SPATA6L: variants seen among roughly 807,000 people sequenced by gnomAD.
SPATA6L encodes the protein spermatogenesis associated 6 like.
In SPATA6L, 68 loss-of-function variants were observed where a neutral mutation model predicts 49.2. That is an observed-to-expected ratio of 1.38 (90% CI 1.14 to 1.69). The LOEUF (loss-of-function observed/expected upper bound fraction) is 1.69. Ranked by LOEUF, SPATA6L falls within the 40% of genes most tolerant of loss-of-function variation. SPATA6L has a pLI of 0.00. For synonymous variants in SPATA6L, 198 were observed against 165.7 expected (o/e 1.19, Z -1.50); for missense variants, 668 against 464.3 (o/e 1.44, Z -4.03).
chr9:4,605,869 C>CGCAGA (rs1424909584), intron 9 of SPATA6L, among the ~76,000 whole-genome samples: 4 of 152,184 alleles, frequency 2.6e-5, no homozygotes, highest in African/African-American at 9.7e-5. Flanking sequence ...ACGCAGAGGA[C>CGCAGA]GGGTGATTTC....
intron 4 of SPATA6L, among the ~76,000 whole-genome samples, chr9:4,632,271 G>A (rs946844791): frequency 1.3e-5 from 2 of 151,592 alleles, no homozygotes; most frequent in Non-Finnish European, 2.9e-5. Context: ...GCTCTTTTTT[G>A]TGGTATCTCG....
intron 9 of SPATA6L, among the ~76,000 whole-genome samples, chr9:4,611,858 G>C (rs1173843559): frequency 6.6e-6 from 1 of 152,076 alleles, no homozygotes; most frequent in African/African-American, 2.4e-5. Context: ...AATCCCAGTA[G>C]TTGTTGTTTC....
rs768779927 is a variant in SPATA6L at position 4,598,455 on chromosome 9, ATTGAGATAACTCC to A, written c.*2343_*2355del. On this transcript the variant is annotated 3_prime_UTR_variant, in exon 12 of 12. Transcript: ENST00000682582. ...CCTTGCCCCAGCATGATTCCTCAAA[ATTGAGATAACTCC>A]TTGAGAAACAAAAGTAAAAATAATA... Among the ~76,000 whole-genome samples, 1 of 152,244 alleles carries A rather than the reference ATTGAGATAACTCC, an allele frequency of 6.6e-6. No homozygotes were observed. The highest frequency in any genetic ancestry group is 1.5e-5 in the Non-Finnish European group (1 of 68,044).
Position 4,622,490 on chromosome 9 carries a change from A to G in SPATA6L, c.690T>C (p.Phe230=), listed in dbSNP as rs775659923. The change falls in exon 7 of 12, where the codon TTT becomes TTC. Residue 230 remains phenylalanine, a synonymous_variant. Transcript: ENST00000682582. Reference sequence around the variant, plus strand: ...AATGATGCTCTGAAATATTCTCACCAAAGGGCTTTGCACTGTCCACCTGAA... The same window carrying G: ...AATGATGCTCTGAAATATTCTCACCGAAGGGCTTTGCACTGTCCACCTGAA... ...VVRHVDSAKP[F]GENISEHHLR... 6.2e-7 allele frequency: 1 copy of G among 1,613,146 alleles called. No homozygotes were observed. Among genetic ancestry groups the G allele is most frequent in the Non-Finnish European group, 8.5e-7 (1 of 1,179,620 alleles).
chr9:4,589,378 G>C (rs1821760192), intron 13 of SPATA6L, among the ~76,000 whole-genome samples: 1 of 152,100 alleles, frequency 6.6e-6, no homozygotes, highest in South Asian at 2.1e-4. Flanking sequence ...CAGTATTTTA[G>C]GATCCGTGTC....
At chr9:4,656,450 AAGGAAGGAAGGAAGGAAGGAAGG>A (rs1563716218) in intron 2 of SPATA6L, among the ~76,000 whole-genome samples, 103 of 121,850 alleles carry the variant, frequency 8.5e-4, no homozygotes, top group Middle Eastern at 4.2e-3. Context: ...GAAAGGAAGG[AAGGAAGGAAGGAAGGAAGGAAGG>A]AAGGAAGGAA....
At chr9:4,623,045 C>G (rs1190965882) in intron 6 of SPATA6L, among the ~76,000 whole-genome samples, 1 of 152,062 alleles carries the variant, frequency 6.6e-6, no homozygotes, top group African/African-American at 2.4e-5. Flanking sequence ...TTTGGGAGGC[C>G]GAGGAGGGTG....
chr9:4,660,284 G>A lies in SPATA6L; in HGVS notation c.177+1615C>T, dbSNP rs147972148. On this transcript the variant is annotated intron_variant, in intron 2 of 11. Transcript: ENST00000682582. ...GGAAATTTTTGCAATCTACTCATCT[G>A]ACAAAAGGGTTAATATCCAGAATCT... 3.3e-3 allele frequency among the ~76,000 whole-genome samples: 506 copies of A among 152,256 alleles called. 1 individual carries two copies. Among genetic ancestry groups the A allele is most frequent in the African/African-American group, 0.012 (485 of 41,550 alleles).
intron 13 of SPATA6L, among the ~76,000 whole-genome samples, chr9:4,593,219 C>T (rs1259128469): frequency 2.6e-5 from 4 of 152,182 alleles, no homozygotes; most frequent in African/African-American, 7.2e-5. Flanking sequence ...AGTATCCAAT[C>T]GTCACCTCTT....
intron 3 of SPATA6L, among the ~76,000 whole-genome samples, chr9:4,643,153 A>T (rs1308333621): frequency 2.0e-5 from 3 of 152,124 alleles, no homozygotes; most frequent in Admixed American, 6.6e-5. Context: ...GATTACAGGC[A>T]CCTGACATCA....
Position 4,609,919 on chromosome 9 carries a change from C to T in SPATA6L, c.996-4479G>A, listed in dbSNP as rs950419523. On this transcript the variant is annotated intron_variant, in intron 9 of 11. Coordinates refer to ENST00000682582, the MANE Select transcript of SPATA6L (RefSeq NM_001353486.2). ...ACCCCATTGTCTCAGCCCAAAATCTCCTTAAGCTGATAAGCAACTTCAGCA... is the reference window on the plus strand; with the variant it reads ...ACCCCATTGTCTCAGCCCAAAATCTTCTTAAGCTGATAAGCAACTTCAGCA... Among the ~76,000 whole-genome samples, 8 of 151,984 alleles carry T rather than the reference C, an allele frequency of 5.3e-5. No individual in the cohort carries two copies. In the South Asian group the frequency reaches 1.5e-3, roughly 28 times the overall value.
At chr9:4,592,261 G>A (rs1250872800) in intron 13 of SPATA6L, among the ~76,000 whole-genome samples, 1 of 148,648 alleles carries the variant, frequency 6.7e-6, no homozygotes, top group Non-Finnish European at 1.5e-5. Flanking sequence ...TTTGCAGTGA[G>A]CTGAGATCAC....
intron 2 of SPATA6L, among the ~76,000 whole-genome samples, chr9:4,658,757 C>G (rs1002889130): frequency 6.6e-6 from 1 of 151,980 alleles, no homozygotes; most frequent in African/African-American, 2.4e-5. Context: ...TTTGGAAGGC[C>G]AAGGCGGGCA....
chr9:4,600,948 A>G (rs1316150123), intron 11 of SPATA6L, 139 bp from the exon 12 acceptor site: 1 of 152,216 alleles, frequency 6.6e-6, no homozygotes, highest in Admixed American at 6.5e-5. Flanking sequence ...TTAGTCTCTG[A>G]GCTTTTTCCC....
intron 9 of SPATA6L, among the ~76,000 whole-genome samples, chr9:4,608,545 A>G (rs1361933288): frequency 6.3e-5 from 8 of 126,140 alleles, no homozygotes; most frequent in Non-Finnish European, 1.1e-4. Flanking sequence ...CTGAATGACT[A>G]CTGGGTACAT....
intron 3 of SPATA6L, chr9:4,646,503 T>C: frequency 6.6e-7 from 1 of 1,516,542 alleles, no homozygotes; most frequent in Admixed American, 2.2e-5. Flanking sequence ...GAACTAGCTG[T>C]ATTAATTCAA....
Position 4,603,084 on chromosome 9 carries a change from T to G in SPATA6L, c.*1+1095A>C, listed in dbSNP as rs115919435. Among the ~76,000 whole-genome samples, 1,077 of 152,228 alleles carry G rather than the reference T, an allele frequency of 7.1e-3. 13 individuals are homozygous for G. The highest frequency in any genetic ancestry group is 0.024 in the African/African-American group (983 of 41,532). On this transcript the variant is annotated intron_variant, in intron 11 of 11. Coordinates refer to ENST00000682582, the MANE Select transcript of SPATA6L (RefSeq NM_001353486.2). ...CTTGCCACAGATCTGAATTCTAGAGTTGCCTTGTTACATGCATTCATAATC... is the reference window on the plus strand; with the variant it reads ...CTTGCCACAGATCTGAATTCTAGAGGTGCCTTGTTACATGCATTCATAATC...
In SPATA6L at chr9:4,656,138, C is replaced by T. The variant is rs372806584; in HGVS notation, c.178-49G>A. On this transcript the variant is annotated intron_variant, in intron 2 of 11. Transcript: ENST00000682582. ...AAATTTTCAAAGTTGTATTAATAAG[C>T]GCATATAGAAACTGTAAATGCCAGG... The T allele has an allele frequency of 8.2e-5, 125 of 1,524,406 alleles. 2 individuals are homozygous for T. In the African/African-American group the frequency reaches 1.3e-3, roughly 16 times the overall value. The allele number at this position is 1,524,406 out of a possible 1,614,324, so 94.4% of individuals were successfully genotyped here.
intron 11 of SPATA6L, 65 bp from the exon 12 acceptor site, chr9:4,600,874 G>A (rs1337844726): frequency 6.6e-6 from 1 of 152,176 alleles, no homozygotes; most frequent in African/African-American, 2.4e-5. Context: ...ATCAATACAA[G>A]TAAGGAGAAA....
Sources: gnomAD v4.1 joint callset for allele counts (sites outside exome capture counted in the v4.1 genomes callset) on GRCh38, gnomAD v4.1.1 for gene constraint, MANE v1.5 for transcripts, NCBI Gene and HGNC (gene_info 2026-07-23, HGNC 2026-07-21) for gene names.